IQCH: variants seen among roughly 807,000 people sequenced by gnomAD.
The protein encoded by IQCH is IQ domain-containing protein H.
Under a neutral mutation model 117.0 loss-of-function variants are expected in IQCH, and 98 were observed. The ratio of observed to expected loss-of-function variants is 0.84; its 90% CI spans 0.71 to 0.99. The LOEUF is 0.99. Among genes scored for constraint, IQCH ranks in the 50% least tolerant of loss-of-function variants. The pLI is 0.00. For synonymous variants in IQCH, 412 were observed against 448.2 expected (o/e 0.92, Z 1.02); for missense variants, 1,102 against 1,243.8 (o/e 0.89, Z 1.72).
Position 67,494,285 on chromosome 15 carries a change from C to T in IQCH, c.2889C>T (p.Val963=). ...MLTIGEDLQG[V]LMTFARHLFI... The stretch of plus-strand genomic sequence containing the variant: ...CAATCGGCGAGGATCTCCAGGGGGT[C>T]CTCATGACCTTTGCTCGCCATCTCT... Residue 963 remains valine, a synonymous_variant, in exon 20 of 21, where the codon GTC becomes GTT. Transcript: ENST00000335894. The surrounding 1 kb of genome is among the most constrained non-coding windows in gnomAD (Gnocchi z 5.5). 1 of 1,612,404 alleles carries T rather than the reference C, an allele frequency of 6.2e-7. No individual in the cohort carries two copies. The highest frequency in any genetic ancestry group is 8.5e-7 in the Non-Finnish European group (1 of 1,179,612).
chr15:67,482,466 G>C (rs2083366338), intron 18 of IQCH, among the ~76,000 whole-genome samples: 1 of 152,136 alleles, frequency 6.6e-6, no homozygotes, highest in African/African-American at 2.4e-5. Flanking sequence ...AGATATCATG[G>C]ATCACCCATA....
At chr15:67,326,801 AT>A (rs1156333029) in intron 4 of IQCH, among the ~76,000 whole-genome samples, 4 of 152,232 alleles carry the variant, frequency 2.6e-5, no homozygotes, top group Admixed American at 6.5e-5. Flanking sequence ...TCAGCCTATT[AT>A]TTTAATTAAC....
intron 14 of IQCH, among the ~76,000 whole-genome samples, chr15:67,410,427 G>A (rs1374710382): frequency 7.9e-5 from 12 of 152,208 alleles, no homozygotes; most frequent in South Asian, 4.1e-4. Context: ...ACGGTTACAA[G>A]ATGGCTGCCA....
Position 67,386,367 on chromosome 15 carries a change from A to G in IQCH, c.1456+1348A>G, listed in dbSNP as rs957979965. Among the ~76,000 whole-genome samples the G allele has an allele frequency of 3.3e-5, 5 of 152,162 alleles. No homozygotes were observed. The highest frequency in any genetic ancestry group is 2.6e-4 in the Admixed American group (4 of 15,268). ...TCAGTCTGTCTCTACCTGCAATGGA[A>G]TATTTTGCTTATATGAACATTTCTG... On this transcript the variant is annotated intron_variant, in intron 11 of 20. Transcript: ENST00000335894. The surrounding 1 kb of genome is among the most constrained non-coding windows in gnomAD (Gnocchi z 5.0).
At chr15:67,418,568 G>A (rs959047121) in intron 15 of IQCH, among the ~76,000 whole-genome samples, 3 of 113,496 alleles carry the variant, frequency 2.6e-5, no homozygotes, top group Non-Finnish European at 5.7e-5. Flanking sequence ...CAATAATAGG[G>A]TGTTTTTACT....
intron 8 of IQCH, among the ~76,000 whole-genome samples, chr15:67,367,477 T>C (rs563351562): frequency 1.2e-4 from 19 of 152,286 alleles, no homozygotes; most frequent in African/African-American, 3.9e-4. Flanking sequence ...AGTTTGAGGC[T>C]GCAGCAAGCT....
chr15:67,280,054 T>G (rs570450853), intron 4 of IQCH, among the ~76,000 whole-genome samples: 154 of 152,262 alleles, frequency 1.0e-3, no homozygotes, highest in Non-Finnish European at 1.8e-3. Flanking sequence ...ATTAATTACA[T>G]CTCAATGAAG....
At chr15:67,482,729 T>C (rs1040444601) in intron 18 of IQCH, among the ~76,000 whole-genome samples, 17 of 152,126 alleles carry the variant, frequency 1.1e-4, no homozygotes, top group African/African-American at 4.1e-4. Context: ...GGGAGAAAGA[T>C]GGATAAACAC....
At position 67,254,851 on chromosome 15, in the gene IQCH, C is replaced by A. The variant is rs766048528; in HGVS notation, c.-46C>A. On this transcript the variant is annotated 5_prime_UTR_variant, in exon 1 of 21. Coordinates refer to ENST00000335894, the MANE Select transcript of IQCH (RefSeq NM_001031715.3). The stretch of plus-strand genomic sequence containing the variant: ...GCGGCTCCGGCTGAAGGTTTCCGTG[C>A]TTGGAAACCGCGCCTCCGCGGAGGT... 11 of 1,595,188 alleles carry A rather than the reference C, an allele frequency of 6.9e-6. No homozygotes were observed. In the South Asian group the frequency reaches 9.0e-5, roughly 13 times the overall value.
intron 4 of IQCH, among the ~76,000 whole-genome samples, chr15:67,281,303 T>A (rs913341740): frequency 7.0e-6 from 1 of 142,034 alleles, no homozygotes; most frequent in African/African-American, 2.5e-5. Flanking sequence ...ATGAGGCAGA[T>A]TGATTAATTA....
At chr15:67,312,507 A>G (rs1359785170) in intron 4 of IQCH, among the ~76,000 whole-genome samples, 1 of 152,160 alleles carries the variant, frequency 6.6e-6, no homozygotes, top group East Asian at 1.9e-4. Context: ...TTTATGGGTG[A>G]AATATCCACT....
At chr15:67,256,358 A>T (rs182666620) in intron 1 of IQCH, among the ~76,000 whole-genome samples, 35 of 152,292 alleles carry the variant, frequency 2.3e-4, no homozygotes, top group African/African-American at 8.4e-4. Flanking sequence ...CAGAGTTTTT[A>T]CTGGGGCTCA....
At position 67,363,178 on chromosome 15, in the gene IQCH, GA is replaced by G. The variant is rs890040391; in HGVS notation, c.753+3302del. On this transcript the variant is annotated intron_variant, in intron 8 of 20. Transcript: ENST00000335894. ...AAGAGAAAAGAAAAATCCAGACACG[GA>G]AAAAAAAACAAACAAACAACCCCTG... Among the ~76,000 whole-genome samples, 216 of 143,404 alleles carry G rather than the reference GA, an allele frequency of 1.5e-3. 1 individual carries two copies. The highest frequency in any genetic ancestry group is 3.2e-3 in the Admixed American group (47 of 14,540). 94.1% of individuals were successfully genotyped at this position (143,404 alleles called of 152,430 possible).
intron 10 of IQCH, among the ~76,000 whole-genome samples, chr15:67,382,595 C>G (rs540535487): frequency 1.4e-3 from 214 of 152,344 alleles, no homozygotes; most frequent in African/African-American, 4.9e-3. Context: ...TCTGCTCACA[C>G]TTGGAGAGTC....
chr15:67,336,899 A>G lies in IQCH; in HGVS notation c.388-76A>G, dbSNP rs146404665. 1,038 of 1,429,412 alleles carry G rather than the reference A, an allele frequency of 7.3e-4. 12 individuals are homozygous for G. In the East Asian group the frequency reaches 0.015, roughly 21 times the overall value. 88.5% of individuals were successfully genotyped at this position (1,429,412 alleles called of 1,614,324 possible). On this transcript the variant is annotated intron_variant, in intron 4 of 20. Coordinates refer to ENST00000335894, the MANE Select transcript of IQCH (RefSeq NM_001031715.3). ...ACTTAATGCAACTATTCATAACTTT[A>G]TTTATTGTTTACAAGAAGAAAACTG... is the stretch of plus-strand genomic sequence containing the variant.
chr15:67,349,527 G>C (rs1429832270), intron 6 of IQCH, among the ~76,000 whole-genome samples: 1 of 149,142 alleles, frequency 6.7e-6, no homozygotes, highest in Non-Finnish European at 1.5e-5. Flanking sequence ...ACTGAGGCTT[G>C]AGTCCAGGAG....
Position 67,395,096 on chromosome 15 carries a change from C to A in IQCH, c.1633-195C>A, listed in dbSNP as rs775873802. Reference sequence around the variant, plus strand: ...AGTTCTATTCCCAGTGAGCCTATTTCCAACACACTAAAGATGTGAGCGATT... The same window carrying A: ...AGTTCTATTCCCAGTGAGCCTATTTACAACACACTAAAGATGTGAGCGATT... On this transcript the variant is annotated intron_variant, in intron 12 of 20. Coordinates refer to ENST00000335894, the MANE Select transcript of IQCH (RefSeq NM_001031715.3). This position sits in a 1 kb window ranked among gnomAD's most constrained non-coding sequence, Gnocchi z 4.0. 3.3e-5 allele frequency among the ~76,000 whole-genome samples: 5 copies of A among 152,120 alleles called. No homozygotes were observed. The highest frequency in any genetic ancestry group is 7.4e-5 in the Non-Finnish European group (5 of 68,020).
At chr15:67,320,679 C>T (rs941023530) in intron 4 of IQCH, among the ~76,000 whole-genome samples, 2 of 152,108 alleles carry the variant, frequency 1.3e-5, no homozygotes, top group Non-Finnish European at 2.9e-5. Flanking sequence ...TATCATTTGT[C>T]TTTTATTAAT....
chr15:67,464,492 A>T (rs941144493), intron 16 of IQCH, among the ~76,000 whole-genome samples: 2 of 152,194 alleles, frequency 1.3e-5, no homozygotes, highest in Non-Finnish European at 2.9e-5. Flanking sequence ...TCTTCTAATA[A>T]CACTGTGATA....
Sources: allele counts gnomAD v4.1 joint callset (sites outside exome capture counted in the v4.1 genomes callset), GRCh38; gene constraint gnomAD v4.1.1; non-coding constraint Gnocchi (gnomAD v3.1); transcripts MANE v1.5; gene names NCBI Gene and HGNC (gene_info 2026-07-23, HGNC 2026-07-21).